DCLK1: variants seen among roughly 807,000 people sequenced by gnomAD.
DCLK1 encodes the protein doublecortin like kinase 1.
A neutral mutation model predicts 86.2 loss-of-function variants in DCLK1; 16 were observed. That is an observed-to-expected ratio of 0.19 (90% CI 0.13 to 0.28). The LOEUF (loss-of-function observed/expected upper bound fraction) is 0.28. Ranked by LOEUF, DCLK1 falls within the 10% of genes least tolerant of loss-of-function variation. The probability of loss-of-function intolerance (pLI) is 1.00; values close to 1 mark genes in which losing one functional copy is unlikely to be tolerated. For missense variants in DCLK1, 590 were observed against 940.2 expected (o/e 0.63, Z 4.87); for synonymous variants, 369 against 370.5 (o/e 1.00, Z 0.05).
intron 3 of DCLK1, among the ~76,000 whole-genome samples, chr13:36,027,048 G>C (rs909137525): frequency 6.6e-6 from 1 of 151,820 alleles, no homozygotes; most frequent in Non-Finnish European, 1.5e-5. Flanking sequence ...ACAAATGATG[G>C]GGCTAATATC....
chr13:36,112,305 G>T, intron 2 of DCLK1, 90 bp from the exon 3 acceptor site: 1 of 1,013,710 alleles, frequency 9.9e-7, no homozygotes. Context: ...TTTCTGCTTA[G>T]GGGCAAGAGC....
intron 3 of DCLK1, among the ~76,000 whole-genome samples, chr13:36,045,328 G>GTATATATATATATA (rs1257247083): frequency 2.2e-5 from 1 of 45,236 alleles, no homozygotes; most frequent in Non-Finnish European, 3.9e-5. Context: ...ATGTGTGTGT[G>GTATATATATATATA]TGTGTATATA....
intron 5 of DCLK1, among the ~76,000 whole-genome samples, chr13:35,867,016 G>A (rs1007211749): frequency 6.6e-6 from 1 of 152,122 alleles, no homozygotes; most frequent in African/African-American, 2.4e-5. Flanking sequence ...CAACACTGCC[G>A]AATTCCTTAA....
rs1287880164 is a variant in DCLK1 at position 36,112,224 on chromosome 13, G to T, written c.377-9C>A. On this transcript the variant is annotated splice_polypyrimidine_tract_variant and intron_variant, in intron 2 of 16. Coordinates refer to ENST00000360631, the MANE Select transcript of DCLK1 (RefSeq NM_001330071.2). The stretch of plus-strand genomic sequence containing the variant: ...ACATACATAACTCTCTCCTAAGGAA[G>T]AGAGAAATATATTTAAATTTATACT... 5.9e-6 allele frequency: 9 copies of T among 1,531,360 alleles called. No individual in the cohort carries two copies. The highest frequency in any genetic ancestry group is 7.9e-6 in the Non-Finnish European group (9 of 1,136,498). 94.9% of individuals were successfully genotyped at this position (1,531,360 alleles called of 1,614,324 possible). A position where few individuals can be genotyped will look rare whatever the true frequency, so the allele number is the denominator to read the frequency against.
chr13:35,864,775 C>G (rs779576267), intron 5 of DCLK1, among the ~76,000 whole-genome samples: 2 of 151,336 alleles, frequency 1.3e-5, no homozygotes, highest in Non-Finnish European at 2.9e-5. Flanking sequence ...ACCTCAGCCT[C>G]CCAAGTAGCT....
At chr13:35,857,230 A>T (rs1371417649) in intron 5 of DCLK1, among the ~76,000 whole-genome samples, 1 of 152,158 alleles carries the variant, frequency 6.6e-6, no homozygotes, top group Non-Finnish European at 1.5e-5. Context: ...TCTCTAGGGC[A>T]TGTGCATTTT....
chr13:35,999,318 C>G (rs17053307), intron 3 of DCLK1, among the ~76,000 whole-genome samples: 5,508 of 152,130 alleles, frequency 0.036, 232 homozygotes, highest in East Asian at 0.22. Flanking sequence ...TCTGAATAGT[C>G]AATGGATATG....
chr13:35,855,382 T>C, intron 5 of DCLK1: 1 of 844,550 alleles, frequency 1.2e-6, no homozygotes, highest in Non-Finnish European at 1.9e-6. Context: ...GTCACCTCTA[T>C]TTTACCTGTA....
intron 15 of DCLK1, among the ~76,000 whole-genome samples, chr13:35,798,579 C>G (rs757919984): frequency 1.1e-4 from 16 of 152,184 alleles, no homozygotes; most frequent in Non-Finnish European, 1.5e-4. Context: ...CCCCTTGACT[C>G]TCTTCAGCAT....
At chr13:36,004,333 G>C (rs907000288) in intron 3 of DCLK1, among the ~76,000 whole-genome samples, 1 of 152,114 alleles carries the variant, frequency 6.6e-6, no homozygotes, top group Non-Finnish European at 1.5e-5. Flanking sequence ...ACTGGTTCTG[G>C]AATATTAGCT....
At chr13:35,797,984 C>T (rs904895594) in intron 15 of DCLK1, among the ~76,000 whole-genome samples, 14 of 152,268 alleles carry the variant, frequency 9.2e-5, no homozygotes, top group Admixed American at 2.0e-4. Context: ...CAAATAGTTA[C>T]GGTATTATTA....
chr13:35,919,919 G>A (rs2153126654), intron 4 of DCLK1, among the ~76,000 whole-genome samples: 1 of 150,586 alleles, frequency 6.6e-6, no homozygotes, highest in Admixed American at 6.6e-5. Context: ...TGGGGGGGTT[G>A]TGAGAATTAT....
chr13:36,007,918 T>G (rs2153147199), intron 3 of DCLK1, among the ~76,000 whole-genome samples: 1 of 152,202 alleles, frequency 6.6e-6, no homozygotes, highest in African/African-American at 2.4e-5. Flanking sequence ...TTAGGGATCA[T>G]TATTTTGTGT....
At chr13:35,810,725 CCTGATAGCTAATTATGT>C in intron 12 of DCLK1, 93 bp downstream of exon 12, 1 of 1,321,328 alleles carries the variant, frequency 7.6e-7, no homozygotes. Context: ...GTGGAAGAAA[CCTGATAGCTAATTATGT>C]CTGGATAGGG....
At chr13:35,913,694 T>A (rs1429395700) in intron 4 of DCLK1, among the ~76,000 whole-genome samples, 1 of 151,126 alleles carries the variant, frequency 6.6e-6, no homozygotes, top group African/African-American at 2.5e-5. Flanking sequence ...CGAATTCTTG[T>A]TATTCATTGT....
chr13:35,847,365 G>A, intron 6 of DCLK1: 3 of 985,010 alleles, frequency 3.0e-6, no homozygotes, highest in Non-Finnish European at 3.6e-6. Flanking sequence ...TAACTTATAA[G>A]GCTGTATCAC....
At chr13:35,854,387 T>C in intron 6 of DCLK1, 112 bp downstream of exon 6, 1 of 746,990 alleles carries the variant, frequency 1.3e-6, no homozygotes, top group Non-Finnish European at 1.9e-6. Context: ...GGTCACCTCC[T>C]GTTCTAGCTT....
chr13:35,894,836 A>G (rs1357839074), intron 4 of DCLK1, among the ~76,000 whole-genome samples: 2 of 152,248 alleles, frequency 1.3e-5, no homozygotes, highest in African/African-American at 2.4e-5. Context: ...CTCACTGACC[A>G]TGACCTCTAT....
At chr13:36,055,682 T>G (rs1275306543) in intron 3 of DCLK1, among the ~76,000 whole-genome samples, 1 of 152,178 alleles carries the variant, frequency 6.6e-6, no homozygotes, top group Non-Finnish European at 1.5e-5. Flanking sequence ...TTTTATCCCT[T>G]TATGTTGACT....
Sources: gnomAD v4.1 joint callset for allele counts (sites outside exome capture counted in the v4.1 genomes callset) on GRCh38, gnomAD v4.1.1 for gene constraint, MANE v1.5 for transcripts, NCBI Gene and HGNC (gene_info 2026-07-23, HGNC 2026-07-21) for gene names.